LUZP1: variants seen among roughly 807,000 people sequenced by gnomAD.
LUZP1 encodes the protein filamin mechanobinding actin cross-linking protein.
In LUZP1, 25 loss-of-function variants were observed where a neutral mutation model predicts 71.3. That is an observed-to-expected ratio of 0.35 (90% CI 0.26 to 0.49). The LOEUF (loss-of-function observed/expected upper bound fraction) is 0.49, where lower values mean the gene tolerates loss of function less well. LUZP1 is among the 20% of genes least tolerant of loss of function. The pLI is 0.99. For synonymous variants in LUZP1, 481 were observed against 506.4 expected (o/e 0.95, Z 0.67); for missense variants, 1,142 against 1,300.8 (o/e 0.88, Z 1.88).
chr1:23,127,668 C>T (rs1265938960), intron 2 of LUZP1, among the ~76,000 whole-genome samples: 5 of 152,086 alleles, frequency 3.3e-5, no homozygotes, highest in African/African-American at 7.2e-5. Context: ...GGACTACAAG[C>T]GCCCGCCTCC....
chr1:23,111,156 C>T (rs1313557129), intron 2 of LUZP1, among the ~76,000 whole-genome samples: 1 of 148,380 alleles, frequency 6.7e-6, no homozygotes, highest in Non-Finnish European at 1.5e-5. Context: ...GCCCAGATCG[C>T]GCCACTGCAC....
At chr1:23,099,590 T>C (rs1319331364) in intron 3 of LUZP1, among the ~76,000 whole-genome samples, 1 of 152,238 alleles carries the variant, frequency 6.6e-6, no homozygotes, top group Non-Finnish European at 1.5e-5. Context: ...TAAACCTTAG[T>C]ATAGCCCCAT....
intron 2 of LUZP1, among the ~76,000 whole-genome samples, chr1:23,154,477 C>T (rs1335231337): frequency 1.3e-5 from 2 of 152,146 alleles, no homozygotes; most frequent in Non-Finnish European, 2.9e-5. Flanking sequence ...GAGATCAAGG[C>T]TGCAGTGAGT....
intron 2 of LUZP1, among the ~76,000 whole-genome samples, chr1:23,164,935 AT>A (rs1569710385): frequency 6.6e-6 from 1 of 152,352 alleles, no homozygotes; most frequent in South Asian, 2.1e-4. Context: ...AAGAAAAAAA[AT>A]AAAAAGTTCA....
intron 2 of LUZP1, among the ~76,000 whole-genome samples, chr1:23,134,197 A>G (rs1644236128): frequency 6.6e-6 from 1 of 152,198 alleles, no homozygotes; most frequent in Non-Finnish European, 1.5e-5. Context: ...AAACAGACAC[A>G]AGGCCAGGCA....
chr1:23,159,786 A>G, intron 2 of LUZP1, among the ~76,000 whole-genome samples: 1 of 152,204 alleles, frequency 6.6e-6, no homozygotes, highest in East Asian at 1.9e-4. Context: ...GGAGTTCGAG[A>G]CCAGCCTGGC....
At chr1:23,174,705 A>C (rs1471395471) in intron 1 of LUZP1, among the ~76,000 whole-genome samples, 3 of 152,244 alleles carry the variant, frequency 2.0e-5, no homozygotes, top group Non-Finnish European at 4.4e-5. Flanking sequence ...CATAAAAAGA[A>C]AGCTAACCAA....
intron 2 of LUZP1, among the ~76,000 whole-genome samples, chr1:23,139,022 ATATATAT>A (rs1644281877): frequency 2.4e-3 from 225 of 94,160 alleles, no homozygotes; most frequent in East Asian, 5.9e-3. Flanking sequence ...AAAAAAAAAT[ATATATAT>A]ATATATATAT....
chr1:23,115,865 T>A (rs1306479231), intron 2 of LUZP1, among the ~76,000 whole-genome samples: 1 of 152,120 alleles, frequency 6.6e-6, no homozygotes, highest in East Asian at 1.9e-4. Context: ...TTCTAACCAG[T>A]GGTCTACAAT....
intron 2 of LUZP1, among the ~76,000 whole-genome samples, chr1:23,132,898 G>A (rs1451481541): frequency 6.6e-6 from 1 of 152,160 alleles, no homozygotes; most frequent in Non-Finnish European, 1.5e-5. Flanking sequence ...ACTACTTGAT[G>A]GTCTTTAATA....
intron 2 of LUZP1, among the ~76,000 whole-genome samples, chr1:23,161,091 G>A (rs1323243177): frequency 6.6e-6 from 1 of 152,172 alleles, no homozygotes. Context: ...CAAAGGTGCT[G>A]AATTGGGAAT....
At chr1:23,136,873 G>A (rs974861672) in intron 2 of LUZP1, among the ~76,000 whole-genome samples, 14 of 152,178 alleles carry the variant, frequency 9.2e-5, no homozygotes, top group African/African-American at 3.4e-4. Context: ...AGCCGAGATC[G>A]TGCCACTGCA....
chr1:23,155,415 A>T (rs894662929), intron 2 of LUZP1, among the ~76,000 whole-genome samples: 3 of 152,242 alleles, frequency 2.0e-5, no homozygotes, highest in Admixed American at 2.0e-4. Context: ...CTCAAGGTCA[A>T]ATCCTAGCTT....
At chr1:23,102,014 C>T (rs1643935428) in intron 3 of LUZP1, among the ~76,000 whole-genome samples, 1 of 152,102 alleles carries the variant, frequency 6.6e-6, no homozygotes, top group African/African-American at 2.4e-5. Flanking sequence ...CACCCTTTTG[C>T]ATCCTGTCTT....
intron 2 of LUZP1, among the ~76,000 whole-genome samples, chr1:23,126,528 C>T (rs755247134): frequency 1.5e-3 from 222 of 152,276 alleles, no homozygotes; most frequent in Non-Finnish European, 2.4e-3. Flanking sequence ...TTTACTTACA[C>T]TCTCTCTCAC....
exon 5 of LUZP1, chr1:23,086,443 G>C (rs1404169069): frequency 6.6e-6 from 1 of 152,628 alleles, no homozygotes; most frequent in Non-Finnish European, 1.5e-5. Flanking sequence ...AGGACATTTT[G>C]AGTAGCAGCA....
intron 2 of LUZP1, among the ~76,000 whole-genome samples, chr1:23,138,868 C>T (rs563036995): frequency 3.3e-4 from 50 of 149,624 alleles, no homozygotes; most frequent in Non-Finnish European, 6.4e-4. Context: ...GATGGTGGCA[C>T]GTGCCTATAG....
chr1:23,110,664 A>G (rs975064718), intron 2 of LUZP1, among the ~76,000 whole-genome samples: 1 of 150,808 alleles, frequency 6.6e-6, no homozygotes, highest in Non-Finnish European at 1.5e-5. Flanking sequence ...ACACACACAC[A>G]CCCATCCCTG....
chr1:23,172,407 C>G (rs1018404703), intron 1 of LUZP1, among the ~76,000 whole-genome samples: 12 of 152,132 alleles, frequency 7.9e-5, no homozygotes, highest in African/African-American at 2.4e-4. Context: ...ACCTGTAATC[C>G]CAGTGCTTTG....
Sources: gnomAD v4.1 joint callset for allele counts (sites outside exome capture counted in the v4.1 genomes callset) on GRCh38, gnomAD v4.1.1 for gene constraint, MANE v1.5 for transcripts, NCBI Gene and HGNC (gene_info 2026-07-23, HGNC 2026-07-21) for gene names.